Variants in ST8SIA5 observed in about 807,000 individuals in gnomAD.
The protein encoded by ST8SIA5 is alpha-2,8-sialyltransferase 8E.
A neutral mutation model predicts 40.2 loss-of-function variants in ST8SIA5; 24 were observed. The ratio of observed to expected loss-of-function variants is 0.60; its 90% CI spans 0.43 to 0.84. The LOEUF is 0.84. Ranked by LOEUF, ST8SIA5 falls within the 40% of genes least tolerant of loss-of-function variation. The pLI is 0.00. For synonymous variants in ST8SIA5, 198 were observed against 201.8 expected, an observed-to-expected ratio of 0.98 and a Z score of 0.16; for missense variants, 465 against 498.5, an observed-to-expected ratio of 0.93 and a Z score of 0.64.
In ST8SIA5 at chr18:46,673,983, CT is replaced by C; in HGVS notation, c.*6058del. Reference sequence around the variant, plus strand: ...TGTGTTGAGCTCAGAGAAGCAGCACCTTTTTTCCCCCAGGAAACAACCCCAT... The same window carrying C: ...TGTGTTGAGCTCAGAGAAGCAGCACCTTTTTCCCCCAGGAAACAACCCCAT... On this transcript the variant is annotated 3_prime_UTR_variant, in exon 7 of 7. Coordinates refer to ENST00000315087, the MANE Select transcript of ST8SIA5 (RefSeq NM_013305.6). 1 of 152,270 alleles carries C rather than the reference CT, an allele frequency of 6.6e-6. No homozygotes were observed. The highest frequency in any genetic ancestry group is 1.5e-5 in the Non-Finnish European group (1 of 68,090). The allele number at this position is 152,270 out of a possible 1,614,324, so 9.4% of individuals were successfully genotyped here. A position where few individuals can be genotyped will look rare whatever the true frequency, so the allele number is the denominator to read the frequency against.
Position 46,692,228 on chromosome 18 carries a change from C to T in ST8SIA5, c.252G>A (p.Arg84=), listed in dbSNP as rs771869585. ...ATTTGCACATCTGGAGGCTCTTCCA[C>T]CTGTCGAACAGCTCTGACTGCTTCA... ...SMVKQSELFD[R]WKSLQMCKWA... Residue 84 remains arginine, a synonymous_variant, in exon 3 of 7, where the codon AGG becomes AGA. Transcript: ENST00000315087. 6.2e-7 allele frequency: 1 copy of T among 1,614,144 alleles called. No homozygotes were observed. The highest frequency in any genetic ancestry group is 2.2e-5 in the East Asian group (1 of 44,864).
intron 1 of ST8SIA5, among the ~76,000 whole-genome samples, chr18:46,727,989 G>C (rs1000771979): frequency 6.6e-6 from 1 of 152,096 alleles, no homozygotes; most frequent in Non-Finnish European, 1.5e-5. Flanking sequence ...AAGGTCAAGG[G>C]ATCGAGACCA....
chr18:46,688,925 A>G lies in ST8SIA5; in HGVS notation c.312-6T>C, dbSNP rs1235112909. 5.0e-6 allele frequency: 8 copies of G among 1,605,618 alleles called. No individual in the cohort carries two copies. The highest frequency in any genetic ancestry group is 8.5e-7 in the Non-Finnish European group (1 of 1,176,752). ...AGCACCTGGACAGAGTAGACCTGCC[A>G]GGCAGGGAGACAGGCAGGAAAGACG... is the stretch of plus-strand genomic sequence containing the variant. On this transcript the variant is annotated splice_polypyrimidine_tract_variant and splice_region_variant and intron_variant, in intron 3 of 6. Coordinates refer to ENST00000315087, the MANE Select transcript of ST8SIA5 (RefSeq NM_013305.6).
At chr18:46,694,208 G>A (rs1421569652) in intron 2 of ST8SIA5, among the ~76,000 whole-genome samples, 3 of 152,174 alleles carry the variant, frequency 2.0e-5, no homozygotes, top group Non-Finnish European at 4.4e-5. Context: ...CCAGATCTTT[G>A]GCAAAGAATT....
intron 2 of ST8SIA5, among the ~76,000 whole-genome samples, chr18:46,697,217 C>A (rs1322717343): frequency 2.6e-5 from 4 of 151,148 alleles, no homozygotes; most frequent in Non-Finnish European, 5.9e-5. Context: ...CAACTTCAGA[C>A]ACAGAGCTCC....
chr18:46,704,778 C>T lies in ST8SIA5; in HGVS notation c.132-114G>A. 5 of 857,986 alleles carry T rather than the reference C, an allele frequency of 5.8e-6. 1 individual carries two copies. The highest frequency in any genetic ancestry group is 3.0e-5 in the South Asian group (2 of 67,406). The allele number at this position is 857,986 out of a possible 1,614,324, so 53.1% of individuals were successfully genotyped here. A position where few individuals can be genotyped will look rare whatever the true frequency, so the allele number is the denominator to read the frequency against. On this transcript the variant is annotated intron_variant, in intron 1 of 6. Coordinates refer to ENST00000315087, the MANE Select transcript of ST8SIA5 (RefSeq NM_013305.6). ...TCCCAGTGAAATAAATAAAGCCAAC[C>T]AGCCCCATCCCAGCAGATGTCCCAT...
chr18:46,755,183 C>G (rs1031305684), intron 1 of ST8SIA5, among the ~76,000 whole-genome samples: 2 of 152,180 alleles, frequency 1.3e-5, no homozygotes, highest in African/African-American at 2.4e-5. Context: ...CCTAAGTGCT[C>G]GGCTTTTCCA....
chr18:46,717,335 C>T (rs1043691791), intron 1 of ST8SIA5, among the ~76,000 whole-genome samples: 3 of 152,000 alleles, frequency 2.0e-5, no homozygotes, highest in African/African-American at 2.4e-5. Context: ...TTCACTGCCC[C>T]GTCTCTACTT....
rs1888278771 is a variant in ST8SIA5, at chr18:46,682,040, C to T, written c.594G>A (p.Glu198=). ...TCACCCCCACATCCATGGTGTACTT[C>T]TCTGAGATGGGGGGCAGGTTGCACC... The part of the protein sequence containing the change: ...VFRCNLPPIS[E]KYTMDVGVKT... The change falls in exon 6 of 7, where the codon GAG becomes GAA. Residue 198 remains glutamate, a synonymous_variant. Transcript: ENST00000315087. 3 of 1,609,422 alleles carry T rather than the reference C, an allele frequency of 1.9e-6. No homozygotes were observed. The highest frequency in any genetic ancestry group is 2.5e-6 in the Non-Finnish European group (3 of 1,178,628).
At chr18:46,707,484 T>C (rs1351508839) in intron 1 of ST8SIA5, among the ~76,000 whole-genome samples, 2 of 152,222 alleles carry the variant, frequency 1.3e-5, no homozygotes, top group African/African-American at 4.8e-5. Context: ...GCCTTGCCTC[T>C]TCCTTGGTTC....
intron 5 of ST8SIA5, 87 bp from the exon 6 acceptor site, chr18:46,682,151 T>A: frequency 9.5e-7 from 1 of 1,047,922 alleles, no homozygotes; most frequent in Non-Finnish European, 1.4e-6. Context: ...GGGATGGTGA[T>A]CATGTGGGCA....
chr18:46,745,410 A>G (rs575210837), intron 1 of ST8SIA5, among the ~76,000 whole-genome samples: 1 of 152,352 alleles, frequency 6.6e-6, no homozygotes, highest in South Asian at 2.1e-4. Context: ...ACAGAAATAC[A>G]AACTATCATC....
intron 1 of ST8SIA5, among the ~76,000 whole-genome samples, chr18:46,752,858 G>A (rs924944632): frequency 6.6e-6 from 1 of 152,166 alleles, no homozygotes; most frequent in African/African-American, 2.4e-5. Context: ...CCTGCTCCCT[G>A]CAACAAGTTC....
intron 1 of ST8SIA5, 84 bp from the exon 2 acceptor site, chr18:46,704,748 G>T: frequency 8.8e-7 from 1 of 1,130,210 alleles, no homozygotes; most frequent in Non-Finnish European, 1.3e-6. Context: ...AGGGTGGAGT[G>T]TCTGTCCCAG....
intron 1 of ST8SIA5, among the ~76,000 whole-genome samples, chr18:46,710,793 A>G (rs2144511136): frequency 6.6e-6 from 1 of 152,026 alleles, no homozygotes; most frequent in Middle Eastern, 3.4e-3. Flanking sequence ...CTCCAGGGCC[A>G]TGTTTCCTTT....
intron 1 of ST8SIA5, among the ~76,000 whole-genome samples, chr18:46,728,086 T>A (rs1210297163): frequency 6.6e-6 from 1 of 151,396 alleles, no homozygotes; most frequent in Non-Finnish European, 1.5e-5. Context: ...TCCCAGCTAC[T>A]CAGGAGGCTG....
At chr18:46,719,029 C>A (rs1345012120) in intron 1 of ST8SIA5, among the ~76,000 whole-genome samples, 1 of 152,154 alleles carries the variant, frequency 6.6e-6, no homozygotes, top group African/African-American at 2.4e-5. Flanking sequence ...TGTGGGGACT[C>A]TACGTACTGC....
intron 1 of ST8SIA5, among the ~76,000 whole-genome samples, chr18:46,715,367 T>A (rs533863568): frequency 2.3e-4 from 35 of 151,742 alleles, no homozygotes; most frequent in Non-Finnish European, 4.3e-4. Flanking sequence ...CAGGAGCAGG[T>A]GGAGGGATGC....
At chr18:46,745,617 CA>C (rs1328464643) in intron 1 of ST8SIA5, among the ~76,000 whole-genome samples, 1 of 152,194 alleles carries the variant, frequency 6.6e-6, no homozygotes, top group Non-Finnish European at 1.5e-5. Flanking sequence ...AACGGATTCA[CA>C]GCCAAATTCT....
Sources: allele counts gnomAD v4.1 joint callset (sites outside exome capture counted in the v4.1 genomes callset), GRCh38; gene constraint gnomAD v4.1.1; transcripts MANE v1.5; gene names NCBI Gene and HGNC (gene_info 2026-07-23, HGNC 2026-07-21).